The following ZBTB7C variants were observed in gnomAD, a reference collection of about 807,000 sequenced individuals.
ZBTB7C encodes zinc finger and BTB domain containing 7C.
A neutral mutation model predicts 25.7 loss-of-function variants in ZBTB7C; 8 were observed. The ratio of observed to expected loss-of-function variants is 0.31; its 90% CI spans 0.18 to 0.56. The LOEUF is 0.56. Ranked by LOEUF, ZBTB7C falls within the 20% of genes least tolerant of loss-of-function variation. The probability of loss-of-function intolerance (pLI) is 0.91; values close to 1 mark genes in which losing one functional copy is unlikely to be tolerated. For missense variants in ZBTB7C, 824 were observed against 855.2 expected (o/e 0.96, Z 0.46); for synonymous variants, 394 against 369.0 (o/e 1.07, Z -0.78).
At chr18:48,066,356 G>A (rs2037330138) in intron 3 of ZBTB7C, among the ~76,000 whole-genome samples, 1 of 152,238 alleles carries the variant, frequency 6.6e-6, no homozygotes, top group Non-Finnish European at 1.5e-5. Context: ...GCCCTGGGGG[G>A]GCGGAGGTGG....
chr18:48,040,433 G>C lies in ZBTB7C; in HGVS notation c.675C>G (p.Phe225Leu). The change falls in exon 4 of 5, where the codon TTC (phenylalanine) becomes TTG (leucine). Residue 225 changes from phenylalanine (F) to leucine (L), a missense_variant. By Grantham distance (22) the Phe-to-Leu change is conservative (BLOSUM62 0). This residue lies in a region of ZBTB7C where 316 missense variants were observed against 299.2 expected (regional missense o/e 1.06). Transcript: ENST00000590800. Reference sequence around the variant, plus strand: ...TCTCCCTTAGCAGAGATTCGATGGAGAAGTCCCGGATCACCCCCAGATGGC... The same window carrying C: ...TCTCCCTTAGCAGAGATTCGATGGACAAGTCCCGGATCACCCCCAGATGGC... ...SPGHLGVIRD[F>L]SIESLLRENL... The C allele has an allele frequency of 6.2e-7, 1 of 1,608,270 alleles. No homozygotes were observed. The highest frequency in any genetic ancestry group is 8.5e-7 in the Non-Finnish European group (1 of 1,177,042).
intron 3 of ZBTB7C, chr18:48,162,430 C>T: frequency 2.2e-6 from 1 of 456,132 alleles, no homozygotes; most frequent in South Asian, 1.5e-5. Context: ...GTATTCACCT[C>T]ACTGAGTGCT....
chr18:48,250,791 T>A (rs1022539096), intron 2 of ZBTB7C, among the ~76,000 whole-genome samples: 7 of 151,984 alleles, frequency 4.6e-5, no homozygotes, highest in East Asian at 3.9e-4. Context: ...TTTTTTTTTT[T>A]TATATCCAGT....
chr18:48,291,796 G>C (rs530760860), intron 2 of ZBTB7C, among the ~76,000 whole-genome samples: 19 of 152,252 alleles, frequency 1.2e-4, no homozygotes, highest in African/African-American at 4.1e-4. Flanking sequence ...CAGCAGTTAG[G>C]GGGATTGGCC....
intron 1 of ZBTB7C, among the ~76,000 whole-genome samples, chr18:48,356,018 C>T (rs2046969975): frequency 6.6e-6 from 1 of 151,486 alleles, no homozygotes; most frequent in Non-Finnish European, 1.5e-5. Context: ...CATTCTGGGG[C>T]CCCACCCCAG....
intron 2 of ZBTB7C, among the ~76,000 whole-genome samples, chr18:48,212,608 C>T (rs2145253417): frequency 6.6e-6 from 1 of 152,142 alleles, no homozygotes; most frequent in East Asian, 1.9e-4. Flanking sequence ...TAAGGGAACT[C>T]TCCGTACTTT....
Position 48,091,238 on chromosome 18 carries a change from A to ATTTTT in ZBTB7C, c.-16-50120_-16-50116dup, listed in dbSNP as rs35051690. Among the ~76,000 whole-genome samples the ATTTTT allele has an allele frequency of 1.9e-3, 125 of 64,656 alleles. 3 individuals are homozygous for ATTTTT. Among genetic ancestry groups the ATTTTT allele is most frequent in the African/African-American group, 7.8e-3 (116 of 14,840 alleles). The allele number at this position is 64,656 out of a possible 152,430, so 42.4% of individuals were successfully genotyped here. ...AGGCATGTGCCACTATGCCCGGATA[A>ATTTTT]TTTTTTTTTTTTTTTTTTTTTTTTT... is the stretch of plus-strand genomic sequence containing the variant. On this transcript the variant is annotated intron_variant, in intron 3 of 4. Transcript: ENST00000590800.
chr18:48,369,001 AAC>A (rs2047321568), intron 1 of ZBTB7C, among the ~76,000 whole-genome samples: 1 of 152,244 alleles, frequency 6.6e-6, no homozygotes, highest in Admixed American at 6.5e-5. Flanking sequence ...GGAGGGAAGA[AAC>A]ACAGTAAGCA....
At chr18:48,194,001 G>A (rs1156836275) in intron 2 of ZBTB7C, among the ~76,000 whole-genome samples, 1 of 152,204 alleles carries the variant, frequency 6.6e-6, no homozygotes, top group African/African-American at 2.4e-5. Flanking sequence ...CATTGCTCTG[G>A]GGTGACAGCC....
intron 2 of ZBTB7C, among the ~76,000 whole-genome samples, chr18:48,216,118 C>T (rs2042817598): frequency 6.6e-6 from 1 of 152,180 alleles, no homozygotes; most frequent in South Asian, 2.1e-4. Flanking sequence ...ATCCCCTTGG[C>T]TGAGAGGAGG....
chr18:48,177,297 T>C (rs1418304381), intron 3 of ZBTB7C, among the ~76,000 whole-genome samples: 2 of 152,154 alleles, frequency 1.3e-5, no homozygotes, highest in Admixed American at 6.5e-5. Flanking sequence ...CCTTGACCAC[T>C]TGCCCTCACC....
chr18:48,337,716 C>A (rs984521709), intron 2 of ZBTB7C, among the ~76,000 whole-genome samples: 7 of 152,222 alleles, frequency 4.6e-5, no homozygotes, highest in African/African-American at 1.7e-4. Flanking sequence ...ATATCTGAAC[C>A]AGACCTAAAG....
At chr18:48,370,203 T>C (rs548079807) in intron 1 of ZBTB7C, among the ~76,000 whole-genome samples, 37 of 152,194 alleles carry the variant, frequency 2.4e-4, no homozygotes, top group African/African-American at 8.2e-4. Context: ...AAACAAACTG[T>C]GGCACCTACA....
chr18:48,223,071 C>A (rs73955664), intron 2 of ZBTB7C, among the ~76,000 whole-genome samples: 10,426 of 152,264 alleles, frequency 0.068, 431 homozygotes, highest in Middle Eastern at 0.15. Context: ...AAATTAACAG[C>A]ACGATTTCAG....
chr18:48,297,386 G>T (rs1018163988), intron 2 of ZBTB7C, among the ~76,000 whole-genome samples: 3 of 152,116 alleles, frequency 2.0e-5, no homozygotes, highest in Non-Finnish European at 4.4e-5. Flanking sequence ...AGAAGTCCCT[G>T]AGGGCCCGTT....
rs989397210 is a variant in ZBTB7C at position 48,409,325 on chromosome 18, C to G, written c.-403G>C. ...CGGTGTCCGCCGGTCCCTGCGCGCC[C>G]GAGCCTCGCCGGCCGCGCCGCTGTC... On this transcript the variant is annotated 5_prime_UTR_variant, in exon 1 of 5. Coordinates refer to ENST00000590800, the MANE Select transcript of ZBTB7C (RefSeq NM_001318841.2). 6.7e-6 allele frequency: 1 copy of G among 149,142 alleles called. No homozygotes were observed. Among genetic ancestry groups the G allele is most frequent in the African/African-American group, 2.4e-5 (1 of 41,038 alleles). 9.2% of individuals were successfully genotyped at this position (149,142 alleles called of 1,614,324 possible).
intron 3 of ZBTB7C, among the ~76,000 whole-genome samples, chr18:48,089,379 G>A (rs535356074): frequency 1.3e-5 from 2 of 151,926 alleles, no homozygotes; most frequent in South Asian, 4.2e-4. Context: ...GGCTGAGGCA[G>A]GAGAATCGCT....
chr18:48,202,464 C>A (rs2042475179), intron 2 of ZBTB7C, among the ~76,000 whole-genome samples: 1 of 86,842 alleles, frequency 1.2e-5, no homozygotes, highest in African/African-American at 4.8e-5. Context: ...AGAAGGGGGA[C>A]AAAACCAGGT....
In ZBTB7C at chr18:48,036,924, C is replaced by T. The variant is rs986453616; in HGVS notation, c.1208+2976G>A. Among the ~76,000 whole-genome samples, 5 of 152,158 alleles carry T rather than the reference C, an allele frequency of 3.3e-5. No homozygotes were observed. In the South Asian group the frequency reaches 6.2e-4, roughly 19 times the overall value. On this transcript the variant is annotated intron_variant, in intron 4 of 4. Coordinates refer to ENST00000590800, the MANE Select transcript of ZBTB7C (RefSeq NM_001318841.2). The stretch of plus-strand genomic sequence containing the variant: ...GACCACGCTTGGGGCTCTTCAAGCA[C>T]GGAAAAGAATCCTTGCCGGGCAGTT...
Sources: allele counts gnomAD v4.1 joint callset (sites outside exome capture counted in the v4.1 genomes callset), GRCh38; gene constraint gnomAD v4.1.1; regional missense constraint gnomAD v4.1.1; transcripts MANE v1.5; gene names NCBI Gene and HGNC (gene_info 2026-07-23, HGNC 2026-07-21).